Variants in GIMAP7 observed in about 807,000 individuals in gnomAD.
GIMAP7 encodes GTPase, IMAP family member 7.
For missense variants in GIMAP7, 323 were observed against 359.7 expected, an observed-to-expected ratio of 0.90 and a Z score of 0.83; for synonymous variants, 137 against 129.3, an observed-to-expected ratio of 1.06 and a Z score of -0.40.
intron 1 of GIMAP7, among the ~76,000 whole-genome samples, chr7:150,515,681 A>C (rs1320167294): frequency 6.6e-6 from 1 of 152,184 alleles, no homozygotes; most frequent in Non-Finnish European, 1.5e-5. Context: ...GTCATTTCTC[A>C]GCCTTTCTCT....
rs753476844 is a variant in GIMAP7 at position 150,514,950 on chromosome 7, G to C, written c.-42+5G>C. The C allele has an allele frequency of 6.6e-6, 1 of 152,630 alleles. No homozygotes were observed. The highest frequency in any genetic ancestry group is 1.5e-5 in the Non-Finnish European group (1 of 68,254). The allele number at this position is 152,630 out of a possible 1,614,324, so 9.5% of individuals were successfully genotyped here. A position where few individuals can be genotyped will look rare whatever the true frequency, so the allele number is the denominator to read the frequency against. On this transcript the variant is annotated splice_donor_5th_base_variant and intron_variant, in intron 1 of 1. Coordinates refer to ENST00000313543, the MANE Select transcript of GIMAP7 (RefSeq NM_153236.4). ...ATTCAACTTGTTCAAGAGAAGGTGA[G>C]CCTGGCTGAGAAGAGGGTCTGGTGC...
intron 1 of GIMAP7, among the ~76,000 whole-genome samples, chr7:150,515,364 C>A (rs887100042): frequency 6.6e-6 from 1 of 152,102 alleles, no homozygotes; most frequent in Non-Finnish European, 1.5e-5. Context: ...CAAGGGGTAC[C>A]CAGATCACTC....
chr7:150,518,354 C>T (rs1429943389), intron 1 of GIMAP7, among the ~76,000 whole-genome samples: 2 of 152,238 alleles, frequency 1.3e-5, no homozygotes, highest in South Asian at 2.1e-4. Flanking sequence ...CCAGATTATG[C>T]TGGGAAATGG....
At chr7:150,517,629 A>G (rs1480769128) in intron 1 of GIMAP7, among the ~76,000 whole-genome samples, 1 of 152,096 alleles carries the variant, frequency 6.6e-6, no homozygotes, top group East Asian at 1.9e-4. Flanking sequence ...AATTATTAAT[A>G]CTACATTTTC....
chr7:150,515,497 TA>T (rs1490922036), intron 1 of GIMAP7, among the ~76,000 whole-genome samples: 2 of 152,184 alleles, frequency 1.3e-5, no homozygotes, highest in Non-Finnish European at 2.9e-5. Context: ...AGAGTTGCCA[TA>T]AAAGACCTTT....
intron 1 of GIMAP7, among the ~76,000 whole-genome samples, chr7:150,518,875 G>T (rs1023227455): frequency 2.0e-5 from 3 of 151,844 alleles, no homozygotes; most frequent in Non-Finnish European, 1.5e-5. Flanking sequence ...AGGAATTGGA[G>T]GCAATTTTAT....
chr7:150,520,003 G>T lies in GIMAP7; in HGVS notation c.29G>T (p.Arg10Met). Residue 10 changes from arginine (R) to methionine (M), a missense_variant, in exon 2 of 2, where the codon AGG becomes ATG. Arg to Met is a moderately conservative substitution (Grantham distance 91, BLOSUM62 -1). Transcript: ENST00000313543. MAESEDRSL[R>M]IVLVGKTGSG... Reference sequence around the variant, plus strand: ...GCTGAGAGTGAGGACCGCTCCCTGAGGATCGTTCTGGTAGGGAAAACTGGA... The same window carrying T: ...GCTGAGAGTGAGGACCGCTCCCTGATGATCGTTCTGGTAGGGAAAACTGGA... The T allele has an allele frequency of 3.1e-6, 5 of 1,614,116 alleles. No individual in the cohort carries two copies. Among genetic ancestry groups the T allele is most frequent in the Non-Finnish European group, 4.2e-6 (5 of 1,180,004 alleles).
At chr7:150,519,889 A>G in intron 1 of GIMAP7, 45 bp from the exon 2 acceptor site, 1 of 1,189,308 alleles carries the variant, frequency 8.4e-7, no homozygotes. Context: ...AATGGATCTC[A>G]CTTACTAAAA....
At chr7:150,517,474 A>G (rs1795146131) in intron 1 of GIMAP7, among the ~76,000 whole-genome samples, 1 of 152,092 alleles carries the variant, frequency 6.6e-6, no homozygotes, top group South Asian at 2.1e-4. Context: ...TAGTAGTCCT[A>G]ATTTCTTTTG....
rs1795182055 is a variant in GIMAP7, at chr7:150,520,777, C to G, written c.803C>G (p.Ala268Gly). 6.7e-7 allele frequency: 1 copy of G among 1,501,000 alleles called. No individual in the cohort carries two copies. Among genetic ancestry groups the G allele is most frequent in the African/African-American group, 1.4e-5 (1 of 70,898 alleles). 93.0% of individuals were successfully genotyped at this position (1,501,000 alleles called of 1,614,324 possible). ...AAAATAAAAAATATAAGGGAAGAAGCTGAGAGAAATATATTTAAAGATGTT... is the reference window on the plus strand; with the variant it reads ...AAAATAAAAAATATAAGGGAAGAAGGTGAGAGAAATATATTTAAAGATGTT... ...DEKIKNIREE[A>G]ERNIFKDVFN... The change falls in exon 2 of 2, where the codon GCT becomes GGT. Residue 268 changes from alanine (A) to glycine (G), a missense_variant. Transcript: ENST00000313543.
rs189427655 is a variant in GIMAP7, at chr7:150,517,060, C to G, written c.-42+2115C>G. Among the ~76,000 whole-genome samples the G allele has an allele frequency of 1.1e-3, 169 of 152,250 alleles. 2 individuals carry two copies. The highest frequency in any genetic ancestry group is 5.4e-3 in the Admixed American group (83 of 15,300). The stretch of plus-strand genomic sequence containing the variant: ...GATGGAATAGTCATACACAAAGGAA[C>G]TTTCATTCAGTGATTCTTTCATTTT... On this transcript the variant is annotated intron_variant, in intron 1 of 1. Transcript: ENST00000313543.
At chr7:150,518,192 G>T (rs73480197) in intron 1 of GIMAP7, among the ~76,000 whole-genome samples, 1 of 151,798 alleles carries the variant, frequency 6.6e-6, no homozygotes, top group African/African-American at 2.4e-5. Flanking sequence ...TGCAGCTCTG[G>T]GATAAATCCT....
chr7:150,516,361 GT>G (rs1795137702), intron 1 of GIMAP7, among the ~76,000 whole-genome samples: 13 of 152,154 alleles, frequency 8.5e-5, no homozygotes, highest in South Asian at 2.1e-4. Context: ...ATTTATGCCA[GT>G]CTTGTTCAAA....
intron 1 of GIMAP7, among the ~76,000 whole-genome samples, chr7:150,516,097 T>G (rs532494885): frequency 6.6e-6 from 1 of 152,184 alleles, no homozygotes; most frequent in Non-Finnish European, 1.5e-5. Flanking sequence ...TTTCCCAGAA[T>G]TTTTGAGCCA....
At position 150,519,601 on chromosome 7, in the gene GIMAP7, C is replaced by A. The variant is rs145010978; in HGVS notation, c.-41-333C>A. The stretch of plus-strand genomic sequence containing the variant: ...TCAGCCTTTGGAATCAATATACTTG[C>A]TTCATAGAAAAAAAAAGTAACTTTT... On this transcript the variant is annotated intron_variant, in intron 1 of 1. Transcript: ENST00000313543. 2.7e-3 allele frequency among the ~76,000 whole-genome samples: 409 copies of A among 152,038 alleles called. 4 individuals carry two copies. The highest frequency in any genetic ancestry group is 9.4e-3 in the African/African-American group (392 of 41,484).
At chr7:150,518,032 C>G (rs1342977328) in intron 1 of GIMAP7, among the ~76,000 whole-genome samples, 1 of 151,892 alleles carries the variant, frequency 6.6e-6, no homozygotes, top group Admixed American at 6.6e-5. Flanking sequence ...TTTCACTTAG[C>G]AGTATATCAC....
intron 1 of GIMAP7, among the ~76,000 whole-genome samples, chr7:150,516,165 T>A (rs1014294295): frequency 6.6e-6 from 1 of 152,210 alleles, no homozygotes; most frequent in Non-Finnish European, 1.5e-5. Context: ...TGTAGAGTAT[T>A]TTTGAAGAAT....
At chr7:150,517,699 A>G (rs936093392) in intron 1 of GIMAP7, among the ~76,000 whole-genome samples, 2 of 152,098 alleles carry the variant, frequency 1.3e-5, no homozygotes, top group Admixed American at 6.5e-5. Flanking sequence ...AGTTAGGTTT[A>G]TTTGTTCCGT....
chr7:150,520,570 C>T lies in GIMAP7; in HGVS notation c.596C>T (p.Ala199Val), dbSNP rs770532154. ...IEKMVQCNEG[A>V]YFSDDIYKDT... ...AAAATGGTGCAGTGCAACGAAGGGG[C>T]TTACTTTTCTGATGACATATACAAG... Residue 199 changes from alanine to valine, a missense_variant, in exon 2 of 2, where the codon GCT becomes GTT. Ala to Val is a moderately conservative substitution (Grantham distance 64). Coordinates refer to ENST00000313543, the MANE Select transcript of GIMAP7 (RefSeq NM_153236.4). The T allele has an allele frequency of 1.2e-6, 2 of 1,614,106 alleles. No homozygotes were observed. Among genetic ancestry groups the T allele is most frequent in the East Asian group, 4.5e-5 (2 of 44,882 alleles).
Sources: allele counts gnomAD v4.1 joint callset (sites outside exome capture counted in the v4.1 genomes callset), GRCh38; gene constraint gnomAD v4.1.1; transcripts MANE v1.5; gene names NCBI Gene and HGNC (gene_info 2026-07-23, HGNC 2026-07-21).